Variants in VPS41 observed in about 807,000 individuals in gnomAD.
VPS41 encodes the protein VPS41 subunit of HOPS complex, also known as vacuolar protein sorting-associated protein 41 homolog.
In VPS41, 85 loss-of-function variants were observed where a neutral mutation model predicts 130.9. The ratio of observed to expected loss-of-function variants is 0.65; its 90% confidence interval spans 0.55 to 0.78. The LOEUF is 0.78. VPS41 is among the 30% of genes least tolerant of loss of function. The pLI, the probability that VPS41 is intolerant of heterozygous loss-of-function variation, is 0.00. For synonymous variants in VPS41, 335 were observed against 332.9 expected (o/e 1.01, Z -0.07); for missense variants, 874 against 1,018.7 (o/e 0.86, Z 1.93).
At chr7:38,827,351 T>C (rs1047219768) in intron 5 of VPS41, among the ~76,000 whole-genome samples, 11 of 152,176 alleles carry the variant, frequency 7.2e-5, no homozygotes, top group African/African-American at 2.2e-4. Context: ...GCAAAGTATA[T>C]GTGTGAGACG....
Position 38,811,262 on chromosome 7 carries a change from C to T in VPS41, c.450+6555G>A, listed in dbSNP as rs527490437. Among the ~76,000 whole-genome samples the T allele has an allele frequency of 2.0e-5, 3 of 152,164 alleles. No homozygotes were observed. In the South Asian group the frequency reaches 6.2e-4, roughly 32 times the overall value. On this transcript the variant is annotated intron_variant, in intron 7 of 28. Coordinates refer to ENST00000310301, the MANE Select transcript of VPS41 (RefSeq NM_014396.4). ...ATAATCTTTACAAGTACATACCACA[C>T]AACATGTAGAAAAAGGAAATTCTCT...
Position 38,728,589 on chromosome 7 carries a change from G to A in VPS41, c.2360-3C>T, listed in dbSNP as rs901766859. On this transcript the variant is annotated splice_polypyrimidine_tract_variant and splice_region_variant and intron_variant, in intron 26 of 28. Transcript: ENST00000310301. ...GCACGACTCACAGATGTTCTCCTCT[G>A]TAAGAAAACACACATACTTTGGATT... 5 of 1,614,098 alleles carry A rather than the reference G, an allele frequency of 3.1e-6. No homozygotes were observed. Among genetic ancestry groups the A allele is most frequent in the Non-Finnish European group, 4.2e-6 (5 of 1,180,008 alleles).
At chr7:38,816,918 A>G (rs1290541737) in intron 7 of VPS41, among the ~76,000 whole-genome samples, 1 of 151,816 alleles carries the variant, frequency 6.6e-6, no homozygotes, top group Non-Finnish European at 1.5e-5. Flanking sequence ...TAATTTCTTC[A>G]TTTTTTTGTA....
rs765607951 is a variant in VPS41 at position 38,726,918 on chromosome 7, C to T, written c.2475G>A (p.Met825Ile). Reference protein sequence around the residue: ...RHMFHKECLPMPSMNSAAQFC... With the variant: ...RHMFHKECLPIPSMNSAAQFC... Reference sequence around the variant, plus strand: ...CAAGCTGCCAACTCACCATGCTGGGCATGGGCAGGCACTCCTTGTGGAACA... The same window carrying T: ...CAAGCTGCCAACTCACCATGCTGGGTATGGGCAGGCACTCCTTGTGGAACA... The change falls in exon 28 of 29, where the codon ATG becomes ATA. Residue 825 changes from methionine (M) to isoleucine (I), a missense_variant. Transcript: ENST00000310301. The T allele has an allele frequency of 6.3e-7, 1 of 1,575,004 alleles. No homozygotes were observed. Among genetic ancestry groups the T allele is most frequent in the South Asian group, 1.2e-5 (1 of 85,166 alleles).
chr7:38,859,686 T>C (rs539698552), intron 4 of VPS41, among the ~76,000 whole-genome samples: 2 of 152,198 alleles, frequency 1.3e-5, no homozygotes, highest in Admixed American at 1.3e-4. Flanking sequence ...GAGGCTATGA[T>C]GTCTGCACAA....
At chr7:38,851,988 T>C (rs761316854) in intron 4 of VPS41, among the ~76,000 whole-genome samples, 3 of 152,196 alleles carry the variant, frequency 2.0e-5, no homozygotes, top group Non-Finnish European at 4.4e-5. Context: ...TTCATCTTAA[T>C]AGAAGTATAA....
At chr7:38,835,348 T>C (rs1243987484) in intron 4 of VPS41, among the ~76,000 whole-genome samples, 1 of 152,030 alleles carries the variant, frequency 6.6e-6, no homozygotes, top group Admixed American at 6.5e-5. Flanking sequence ...GCCTAATAAT[T>C]ATAATGACTC....
At chr7:38,754,966 T>C (rs2115722072) in intron 19 of VPS41, 30 bp from the exon 20 acceptor site, 1 of 1,607,206 alleles carries the variant, frequency 6.2e-7, no homozygotes. Context: ...CCACAGTCAA[T>C]GAAATCCGTT....
intron 22 of VPS41, among the ~76,000 whole-genome samples, chr7:38,747,721 A>G (rs966963771): frequency 1.4e-4 from 22 of 152,236 alleles, no homozygotes; most frequent in Non-Finnish European, 8.8e-5. Flanking sequence ...ATTAAATTGA[A>G]ATTCAGTTCC....
At chr7:38,816,380 T>TCA (rs1327161800) in intron 7 of VPS41, among the ~76,000 whole-genome samples, 1 of 152,060 alleles carries the variant, frequency 6.6e-6, no homozygotes, top group Non-Finnish European at 1.5e-5. Flanking sequence ...GACCAGAAGG[T>TCA]TTTCCCGCCC....
At chr7:38,751,889 A>G (rs1189659944) in intron 22 of VPS41, among the ~76,000 whole-genome samples, 2 of 152,164 alleles carry the variant, frequency 1.3e-5, no homozygotes, top group African/African-American at 4.8e-5. Context: ...GACTTCTAAT[A>G]TATCATTTTT....
At chr7:38,767,477 C>T in intron 15 of VPS41, 60 bp downstream of exon 15, 1 of 1,176,996 alleles carries the variant, frequency 8.5e-7, no homozygotes, top group Non-Finnish European at 1.2e-6. Flanking sequence ...CTTATTTTTA[C>T]TGTTAGCAAT....
At chr7:38,830,869 T>C (rs965290247) in intron 4 of VPS41, among the ~76,000 whole-genome samples, 3 of 152,200 alleles carry the variant, frequency 2.0e-5, no homozygotes, top group Non-Finnish European at 2.9e-5. Flanking sequence ...TCCTTGAAGA[T>C]AGATATTTGA....
At chr7:38,793,285 AAATG>A (rs1475956930) in intron 9 of VPS41, among the ~76,000 whole-genome samples, 9 of 152,236 alleles carry the variant, frequency 5.9e-5, no homozygotes, top group African/African-American at 2.2e-4. Context: ...TTTGTTGGGC[AAATG>A]AATGAATGAA....
intron 4 of VPS41, among the ~76,000 whole-genome samples, chr7:38,854,706 T>G (rs1584429371): frequency 6.6e-6 from 1 of 152,232 alleles, no homozygotes; most frequent in East Asian, 1.9e-4. Context: ...ATTTCTTATT[T>G]CTATCAGTTC....
intron 10 of VPS41, among the ~76,000 whole-genome samples, chr7:38,788,695 TC>T (rs1308389838): frequency 6.6e-6 from 1 of 152,188 alleles, no homozygotes; most frequent in African/African-American, 2.4e-5. Context: ...CTTATCTTGG[TC>T]CTCAGTTTTT....
chr7:38,869,124 T>C, intron 3 of VPS41, 22 bp downstream of exon 3: 1 of 1,494,350 alleles, frequency 6.7e-7, no homozygotes. Context: ...TACAGAAGAA[T>C]CCTCTGAAAG....
intron 7 of VPS41, among the ~76,000 whole-genome samples, chr7:38,804,778 T>C (rs1335124459): frequency 6.6e-6 from 1 of 152,242 alleles, no homozygotes; most frequent in Non-Finnish European, 1.5e-5. Flanking sequence ...TTTAGACTAC[T>C]AATCTGCAAT....
chr7:38,872,813 A>G (rs933043039), intron 2 of VPS41, among the ~76,000 whole-genome samples: 2 of 152,240 alleles, frequency 1.3e-5, no homozygotes, highest in Non-Finnish European at 2.9e-5. Flanking sequence ...TTATGTAAAT[A>G]CAAGCAAGAA....
Sources: gnomAD v4.1 joint callset for allele counts (sites outside exome capture counted in the v4.1 genomes callset) on GRCh38, gnomAD v4.1.1 for gene constraint, MANE v1.5 for transcripts, NCBI Gene and HGNC (gene_info 2026-07-23, HGNC 2026-07-21) for gene names.